The following DIP2C variants were observed in gnomAD, a reference collection of about 807,000 sequenced individuals.
The protein encoded by DIP2C is DIP2 acetate--CoA ligase C (putative).
DIP2C carries 33 observed loss-of-function variants against 192.4 expected under a neutral mutation model. The ratio of observed to expected loss-of-function variants is 0.17; its 90% CI spans 0.13 to 0.23. DIP2C has a LOEUF of 0.23. Ranked by LOEUF, DIP2C falls within the 10% of genes least tolerant of loss-of-function variation. The pLI is 1.00. For synonymous variants in DIP2C, 979 were observed against 864.1 expected (o/e 1.13, Z -2.33); for missense variants, 1,537 against 2,110.1 (o/e 0.73, Z 5.32).
At position 380,754 on chromosome 10, in the gene DIP2C, C is replaced by T. The variant is rs74595595; in HGVS notation, c.1991+1893G>A. Among the ~76,000 whole-genome samples the T allele has an allele frequency of 6.1e-3, 927 of 152,314 alleles. 4 individuals are homozygous for T. The highest frequency in any genetic ancestry group is 0.014 in the Middle Eastern group (4 of 294). ...TCTCATGCCAAAACCTACAGGGAAG[C>T]CTTGCCAGACCTCACTTAGTACAGC... On this transcript the variant is annotated intron_variant, in intron 17 of 36. Transcript: ENST00000280886.
intron 8 of DIP2C, among the ~76,000 whole-genome samples, chr10:412,974 T>G (rs1270711692): frequency 2.0e-5 from 3 of 152,194 alleles, no homozygotes; most frequent in Non-Finnish European, 4.4e-5. Context: ...TTTCGTATCT[T>G]TTGAAAATTC....
At chr10:306,396 GTCTT>G (rs1956321849) in intron 32 of DIP2C, among the ~76,000 whole-genome samples, 1 of 152,130 alleles carries the variant, frequency 6.6e-6, no homozygotes, top group South Asian at 2.1e-4. Flanking sequence ...TCTGTAGGCC[GTCTT>G]TCTTGTGCGT....
intron 23 of DIP2C, 121 bp downstream of exon 23, chr10:357,707 C>T (rs1283009967): frequency 1.4e-6 from 1 of 703,104 alleles, no homozygotes; most frequent in Non-Finnish European, 2.4e-6. Context: ...CAGTCAGACA[C>T]TGTCGCGGAC....
chr10:471,971 G>A (rs1046822309), intron 3 of DIP2C, among the ~76,000 whole-genome samples: 12 of 152,224 alleles, frequency 7.9e-5, no homozygotes, highest in African/African-American at 1.7e-4. Context: ...AAGCCCAGGT[G>A]GCACTGGCAA....
intron 25 of DIP2C, 64 bp downstream of exon 25, chr10:349,267 A>G: frequency 6.4e-7 from 1 of 1,563,474 alleles, no homozygotes; most frequent in South Asian, 1.1e-5. Context: ...GGTGTAAGGG[A>G]CCTCCTCGCA....
intron 1 of DIP2C, among the ~76,000 whole-genome samples, chr10:558,281 G>A (rs1408887067): frequency 1.3e-5 from 2 of 152,122 alleles, no homozygotes; most frequent in African/African-American, 2.4e-5. Context: ...CCTTCCTGAG[G>A]CCACACAGCT....
At chr10:621,502 C>T (rs1853848755) in intron 1 of DIP2C, among the ~76,000 whole-genome samples, 1 of 152,246 alleles carries the variant, frequency 6.6e-6, no homozygotes. Context: ...CACACACCCC[C>T]CAGGGGTGCA....
intron 34 of DIP2C, among the ~76,000 whole-genome samples, chr10:285,548 T>C (rs1374332373): frequency 6.6e-6 from 1 of 152,204 alleles, no homozygotes; most frequent in Non-Finnish European, 1.5e-5. Context: ...TCCAGTGCCC[T>C]CTGCTTCCTC....
At chr10:508,841 A>G (rs1845813746) in intron 1 of DIP2C, among the ~76,000 whole-genome samples, 1 of 152,196 alleles carries the variant, frequency 6.6e-6, no homozygotes, top group African/African-American at 2.4e-5. Context: ...TCAGGGCTGC[A>G]TGACCCAAAA....
chr10:334,736 A>G (rs1957674410), intron 29 of DIP2C, among the ~76,000 whole-genome samples: 1 of 152,220 alleles, frequency 6.6e-6, no homozygotes, highest in Non-Finnish European at 1.5e-5. Context: ...TTATTTGACC[A>G]TAAATATAAG....
chr10:408,570 G>A (rs1964970910), intron 9 of DIP2C, among the ~76,000 whole-genome samples: 1 of 152,170 alleles, frequency 6.6e-6, no homozygotes, highest in Non-Finnish European at 1.5e-5. Context: ...ATGTCTTTAT[G>A]TAATTCACTT....
At chr10:428,391 T>C (rs1966734188) in intron 4 of DIP2C, among the ~76,000 whole-genome samples, 2 of 152,210 alleles carry the variant, frequency 1.3e-5, no homozygotes, top group Admixed American at 1.3e-4. Flanking sequence ...TGTCGTTTCA[T>C]CCGTGTTTAT....
intron 1 of DIP2C, among the ~76,000 whole-genome samples, chr10:536,364 T>C (rs937852303): frequency 6.6e-6 from 1 of 151,060 alleles, no homozygotes; most frequent in Non-Finnish European, 1.5e-5. Context: ...CTGTTCCCCA[T>C]AGGGACATCA....
intron 4 of DIP2C, among the ~76,000 whole-genome samples, chr10:435,749 C>T (rs1967127287): frequency 6.6e-6 from 1 of 152,158 alleles, no homozygotes; most frequent in South Asian, 2.1e-4. Context: ...CTCCCCAACT[C>T]CATTGTAATA....
intron 1 of DIP2C, among the ~76,000 whole-genome samples, chr10:605,978 T>TC (rs890141347): frequency 1.5e-4 from 23 of 151,464 alleles, no homozygotes; most frequent in Admixed American, 7.2e-4. Flanking sequence ...TGCGAGACGT[T>TC]CCCCCCCACT....
intron 24 of DIP2C, among the ~76,000 whole-genome samples, chr10:354,580 G>A (rs1958984132): frequency 6.6e-6 from 1 of 152,156 alleles, no homozygotes; most frequent in Non-Finnish European, 1.5e-5. Flanking sequence ...CTAGATTACT[G>A]GACACATGCT....
chr10:280,460 C>T (rs553922869), intron 36 of DIP2C, among the ~76,000 whole-genome samples: 9 of 151,974 alleles, frequency 5.9e-5, no homozygotes, highest in South Asian at 2.1e-4. Context: ...ACTTTTCATC[C>T]AAACTGCCAA....
At chr10:484,747 C>T (rs1304025563) in intron 2 of DIP2C, 1 of 1,603,290 alleles carries the variant, frequency 6.2e-7, no homozygotes. Context: ...GTGTACCCTG[C>T]TGTGGGGCTG....
chr10:439,483 G>A (rs745374322), intron 4 of DIP2C, among the ~76,000 whole-genome samples: 6 of 152,188 alleles, frequency 3.9e-5, no homozygotes, highest in African/African-American at 4.8e-5. Context: ...TGGGTGTGGT[G>A]GCATGCACCT....
Sources: allele counts gnomAD v4.1 joint callset (sites outside exome capture counted in the v4.1 genomes callset), GRCh38; gene constraint gnomAD v4.1.1; transcripts MANE v1.5; gene names NCBI Gene and HGNC (gene_info 2026-07-23, HGNC 2026-07-21).